Variants in SORCS2 observed in about 807,000 individuals in gnomAD.
SORCS2 encodes VPS10 domain-containing receptor SorCS2.
Under a neutral mutation model 141.6 loss-of-function variants are expected in SORCS2, and 100 were observed. That is an observed-to-expected ratio of 0.71 (90% CI 0.60 to 0.83). The LOEUF is 0.83. Ranked by LOEUF, SORCS2 falls within the 40% of genes least tolerant of loss-of-function variation. The pLI, the probability that SORCS2 is intolerant of heterozygous loss-of-function variation, is 0.00. For synonymous variants in SORCS2, 789 were observed against 676.9 expected, an observed-to-expected ratio of 1.17 and a Z score of -2.57; for missense variants, 1,646 against 1,560.2, an observed-to-expected ratio of 1.05 and a Z score of -0.93.
intron 1 of SORCS2, among the ~76,000 whole-genome samples, chr4:7,335,086 C>T (rs1719902317): frequency 1.3e-5 from 2 of 152,082 alleles, no homozygotes; most frequent in Non-Finnish European, 2.9e-5. Flanking sequence ...GCATCTGTGT[C>T]CCTTCAGCTC....
At chr4:7,358,016 C>A (rs974213631) in intron 1 of SORCS2, among the ~76,000 whole-genome samples, 3 of 152,178 alleles carry the variant, frequency 2.0e-5, no homozygotes, top group Non-Finnish European at 4.4e-5. Flanking sequence ...TATTTGTGTA[C>A]CCCCCATTCC....
intron 1 of SORCS2, among the ~76,000 whole-genome samples, chr4:7,355,972 C>T (rs1295594670): frequency 6.6e-6 from 1 of 152,248 alleles, no homozygotes; most frequent in Non-Finnish European, 1.5e-5. Flanking sequence ...TCCTTCCACT[C>T]TTCCCTGGGT....
At chr4:7,244,177 G>A (rs1712914568) in intron 1 of SORCS2, among the ~76,000 whole-genome samples, 1 of 152,188 alleles carries the variant, frequency 6.6e-6, no homozygotes, top group South Asian at 2.1e-4. Context: ...CCAGCCTCCA[G>A]AACCTGCCAA....
intron 5 of SORCS2, 56 bp downstream of exon 5, chr4:7,654,263 T>G (rs1721616038): frequency 2.0e-6 from 3 of 1,527,374 alleles, no homozygotes; most frequent in Non-Finnish European, 2.7e-6. Context: ...GTGAGAGCAC[T>G]TCCCCCAAAC....
intron 1 of SORCS2, among the ~76,000 whole-genome samples, chr4:7,266,787 C>A (rs1169200908): frequency 1.3e-5 from 2 of 152,220 alleles, no homozygotes; most frequent in Non-Finnish European, 2.9e-5. Flanking sequence ...AAGACTCTGG[C>A]CACGTTCTGC....
chr4:7,624,438 G>A (rs902450193), intron 3 of SORCS2, among the ~76,000 whole-genome samples: 1 of 152,238 alleles, frequency 6.6e-6, no homozygotes, highest in Non-Finnish European at 1.5e-5. Context: ...ATGGCTTCTA[G>A]TTGAAGCTGA....
At chr4:7,350,964 G>T (rs910286098) in intron 1 of SORCS2, among the ~76,000 whole-genome samples, 1 of 152,152 alleles carries the variant, frequency 6.6e-6, no homozygotes, top group South Asian at 2.1e-4. Context: ...GAAGGAATGC[G>T]CTCCCTGGGG....
At chr4:7,542,162 G>T (rs1712728792) in intron 3 of SORCS2, among the ~76,000 whole-genome samples, 1 of 152,224 alleles carries the variant, frequency 6.6e-6, no homozygotes, top group African/African-American at 2.4e-5. Context: ...TGGGCGGAGG[G>T]TTGGGGGGTG....
chr4:7,370,127 C>T (rs1722155041), intron 1 of SORCS2, among the ~76,000 whole-genome samples: 1 of 152,166 alleles, frequency 6.6e-6, no homozygotes, highest in African/African-American at 2.4e-5. Context: ...GCAGGGGACC[C>T]AGGAGAGGCC....
chr4:7,204,757 C>T (rs1050875027), intron 1 of SORCS2, among the ~76,000 whole-genome samples: 3 of 152,230 alleles, frequency 2.0e-5, no homozygotes, highest in African/African-American at 7.2e-5. Context: ...AATTCTGCCA[C>T]TTGTGACCCA....
chr4:7,699,602 A>G (rs893483736), intron 12 of SORCS2, among the ~76,000 whole-genome samples: 2 of 152,040 alleles, frequency 1.3e-5, no homozygotes, highest in African/African-American at 4.8e-5. Context: ...GGGACCCCCA[A>G]AGCAGTCGTT....
chr4:7,373,183 C>G (rs891061659), intron 1 of SORCS2, among the ~76,000 whole-genome samples: 3 of 151,638 alleles, frequency 2.0e-5, no homozygotes, highest in Admixed American at 1.3e-4. Flanking sequence ...AAGCTGTGTC[C>G]TTTTGCATTC....
Position 7,664,933 on chromosome 4 carries a change from T to C in SORCS2, c.1071+462T>C, listed in dbSNP as rs1722410111. On this transcript the variant is annotated intron_variant, in intron 7 of 26. Transcript: ENST00000507866. The surrounding 1 kb of genome is among the most constrained non-coding windows in gnomAD (Gnocchi z 4.7). ...GTGGTCCCAGCTAATTCAGAAACTC[T>C]AGCACACAACCAATCCATCCAGCTT... Among the ~76,000 whole-genome samples the C allele has an allele frequency of 6.6e-6, 1 of 152,172 alleles. No individual in the cohort carries two copies. The highest frequency in any genetic ancestry group is 2.4e-5 in the African/African-American group (1 of 41,430).
At chr4:7,490,120 G>A (rs771395356) in intron 2 of SORCS2, among the ~76,000 whole-genome samples, 2 of 152,168 alleles carry the variant, frequency 1.3e-5, no homozygotes, top group African/African-American at 2.4e-5. Flanking sequence ...CTGGCTGGCT[G>A]GGGAGGGGTG....
chr4:7,631,695 C>T (rs1186620639), intron 3 of SORCS2, among the ~76,000 whole-genome samples: 1 of 152,134 alleles, frequency 6.6e-6, no homozygotes, highest in Non-Finnish European at 1.5e-5. Context: ...GGGGGGTCCA[C>T]ACCTATGGAC....
intron 3 of SORCS2, among the ~76,000 whole-genome samples, chr4:7,577,481 A>G (rs569320293): frequency 6.6e-6 from 1 of 151,578 alleles, no homozygotes; most frequent in East Asian, 2.0e-4. Flanking sequence ...GAAGTTATGT[A>G]GCATACAGGT....
intron 2 of SORCS2, among the ~76,000 whole-genome samples, chr4:7,427,022 G>A (rs79944641): frequency 0.044 from 6,762 of 152,232 alleles, 520 homozygotes; most frequent in African/African-American, 0.15. Context: ...TAGTGGTGGG[G>A]GGCACAGGGA....
At chr4:7,615,031 A>G (rs1718665661) in intron 3 of SORCS2, among the ~76,000 whole-genome samples, 1 of 151,520 alleles carries the variant, frequency 6.6e-6, no homozygotes, top group South Asian at 2.1e-4. Flanking sequence ...TCATCCATCC[A>G]TTTATTCATC....
At chr4:7,615,468 T>C (rs538371068) in intron 3 of SORCS2, among the ~76,000 whole-genome samples, 1 of 152,258 alleles carries the variant, frequency 6.6e-6, no homozygotes, top group Non-Finnish European at 1.5e-5. Context: ...AAAATGTGGG[T>C]AAAGTCTTTG....
Sources: allele counts gnomAD v4.1 joint callset (sites outside exome capture counted in the v4.1 genomes callset), GRCh38; gene constraint gnomAD v4.1.1; non-coding constraint Gnocchi (gnomAD v3.1); transcripts MANE v1.5; gene names NCBI Gene and HGNC (gene_info 2026-07-23, HGNC 2026-07-21).